The following RARB variants were observed in gnomAD, a reference collection of about 807,000 sequenced individuals.
The protein encoded by RARB is retinoic acid receptor beta.
RARB carries 17 observed loss-of-function variants against 51.9 expected under a neutral mutation model. That is an observed-to-expected ratio of 0.33 (90% CI 0.22 to 0.49). The LOEUF is 0.49. Ranked by LOEUF, RARB falls within the 20% of genes least tolerant of loss-of-function variation. The pLI is 0.99. For missense variants in RARB, 369 were observed against 550.8 expected, an observed-to-expected ratio of 0.67 and a Z score of 3.30; for synonymous variants, 215 against 195.4, an observed-to-expected ratio of 1.10 and a Z score of -0.84.
Position 25,501,287 on chromosome 3 carries a change from C to T in RARB, c.412C>T (p.Leu138Phe), listed in dbSNP as rs1345039132. ...CAGGAATCGATGCCAATACTGTCGA[C>T]TCCAGAAGTGCTTTGAAGTGGGAAT... ...VTRNRCQYCRLQKCFEVGMSK... is the reference protein window; with the variant it reads ...VTRNRCQYCRFQKCFEVGMSK... Residue 138 changes from leucine to phenylalanine, a missense_variant, in exon 3 of 8, where the codon CTC becomes TTC. Transcript: ENST00000330688. 1.2e-6 allele frequency: 2 copies of T among 1,610,214 alleles called. No individual in the cohort carries two copies. Among genetic ancestry groups the T allele is most frequent in the African/African-American group, 1.3e-5 (1 of 74,644 alleles).
intron 3 of RARB, among the ~76,000 whole-genome samples, chr3:25,508,640 A>G (rs1697730324): frequency 6.6e-6 from 1 of 152,094 alleles, no homozygotes; most frequent in Non-Finnish European, 1.5e-5. Flanking sequence ...CCCGTGTTAG[A>G]TCCCAGCCTG....
At chr3:25,032,281 C>T (rs928679192) in intron 2 of RARB, among the ~76,000 whole-genome samples, 7 of 152,182 alleles carry the variant, frequency 4.6e-5, no homozygotes, top group African/African-American at 1.7e-4. Context: ...TGGAACCTGC[C>T]TTTCCCCACC....
intron 5 of RARB, among the ~76,000 whole-genome samples, chr3:25,189,164 TC>T (rs761340719): frequency 6.6e-6 from 1 of 152,230 alleles, no homozygotes; most frequent in Non-Finnish European, 1.5e-5. Context: ...TTTAATATCA[TC>T]CCTCAATGTA....
chr3:25,380,188 C>A (rs753961228), intron 5 of RARB, among the ~76,000 whole-genome samples: 4 of 152,138 alleles, frequency 2.6e-5, no homozygotes, highest in Non-Finnish European at 5.9e-5. Flanking sequence ...GCCTCCTGTG[C>A]CCCGTTTAAT....
At chr3:25,330,538 C>T (rs576407369) in intron 5 of RARB, among the ~76,000 whole-genome samples, 174 of 152,200 alleles carry the variant, frequency 1.1e-3, no homozygotes, top group Non-Finnish European at 2.0e-3. Flanking sequence ...AAGGAACAAC[C>T]AGTACCAGCC....
At chr3:25,540,251 G>A (rs190332047) in intron 3 of RARB, among the ~76,000 whole-genome samples, 4 of 152,228 alleles carry the variant, frequency 2.6e-5, no homozygotes, top group Admixed American at 6.5e-5. Flanking sequence ...TATCTGCTTC[G>A]TGATTTTAAT....
At chr3:25,165,509 C>T (rs970840307) in intron 4 of RARB, among the ~76,000 whole-genome samples, 2 of 152,140 alleles carry the variant, frequency 1.3e-5, no homozygotes, top group African/African-American at 4.8e-5. Flanking sequence ...CCTGTAGATC[C>T]TGTAGATAGC....
At chr3:25,178,181 A>C (rs1352381274) in intron 5 of RARB, among the ~76,000 whole-genome samples, 1 of 152,076 alleles carries the variant, frequency 6.6e-6, no homozygotes, top group Non-Finnish European at 1.5e-5. Flanking sequence ...AAAGAAGAAA[A>C]GTTATTTGCA....
chr3:25,303,889 T>G (rs1704096592), intron 5 of RARB, among the ~76,000 whole-genome samples: 1 of 152,140 alleles, frequency 6.6e-6, no homozygotes, highest in South Asian at 2.1e-4. Context: ...CAACTGTGGG[T>G]GGCCCACAGG....
intron 2 of RARB, among the ~76,000 whole-genome samples, chr3:25,467,394 C>T (rs1695484311): frequency 6.6e-6 from 1 of 152,240 alleles, no homozygotes; most frequent in Non-Finnish European, 1.5e-5. Flanking sequence ...TGTCTGGGGC[C>T]TTGGCAGGAT....
intron 5 of RARB, among the ~76,000 whole-genome samples, chr3:25,592,833 T>C (rs1470887732): frequency 6.6e-6 from 1 of 152,212 alleles, no homozygotes; most frequent in Non-Finnish European, 1.5e-5. Context: ...AGCTTTCCTT[T>C]TTCTGAACTC....
intron 3 of RARB, among the ~76,000 whole-genome samples, chr3:25,129,546 C>T (rs1279350815): frequency 1.3e-5 from 2 of 151,924 alleles, no homozygotes; most frequent in African/African-American, 2.4e-5. Flanking sequence ...CACTTTAACC[C>T]TTCAATATGT....
intron 5 of RARB, among the ~76,000 whole-genome samples, chr3:25,305,511 G>A (rs1704133788): frequency 2.0e-5 from 3 of 152,200 alleles, no homozygotes; most frequent in Admixed American, 2.0e-4. Flanking sequence ...TGTACCACAA[G>A]CAACAGGCTG....
At chr3:24,878,772 C>T (rs150093909) in intron 2 of RARB, among the ~76,000 whole-genome samples, 66 of 152,196 alleles carry the variant, frequency 4.3e-4, no homozygotes, top group African/African-American at 1.4e-3. Context: ...TCTGCAGATA[C>T]CATTTGTAGA....
chr3:25,456,554 A>ATTTTTTT lies in RARB; in HGVS notation c.158-4620_158-4614dup, dbSNP rs35056259. On this transcript the variant is annotated intron_variant, in intron 1 of 7. Transcript: ENST00000330688. Reference sequence around the variant, plus strand: ...GGTGATCTGACAGACTATACCACTGATTTTTTTTTTTTTTTTTTTTTTTTT... The same window carrying ATTTTTTT: ...GGTGATCTGACAGACTATACCACTGATTTTTTTTTTTTTTTTTTTTTTTTTTTTTTTT... 1.5e-3 allele frequency among the ~76,000 whole-genome samples: 67 copies of ATTTTTTT among 44,122 alleles called. 12 individuals are homozygous for ATTTTTTT. The highest frequency in any genetic ancestry group is 6.0e-3 in the African/African-American group (61 of 10,134). 28.9% of individuals were successfully genotyped at this position (44,122 alleles called of 152,430 possible).
At chr3:25,083,063 G>A (rs1183056882) in intron 3 of RARB, among the ~76,000 whole-genome samples, 1 of 151,644 alleles carries the variant, frequency 6.6e-6, no homozygotes, top group Non-Finnish European at 1.5e-5. Flanking sequence ...TATGTAATGT[G>A]TTTTTTTCCT....
At chr3:25,285,251 A>C (rs957133584) in intron 5 of RARB, among the ~76,000 whole-genome samples, 1 of 152,340 alleles carries the variant, frequency 6.6e-6, no homozygotes, top group East Asian at 1.9e-4. Context: ...CCACTGAGAA[A>C]GTGATATGAT....
At chr3:25,102,083 G>A (rs1237306974) in intron 3 of RARB, among the ~76,000 whole-genome samples, 2 of 152,112 alleles carry the variant, frequency 1.3e-5, no homozygotes, top group African/African-American at 4.8e-5. Context: ...TGAAAGATAT[G>A]TACAGGTGCC....
At chr3:24,908,266 T>G (rs1694910493) in intron 2 of RARB, among the ~76,000 whole-genome samples, 1 of 152,212 alleles carries the variant, frequency 6.6e-6, no homozygotes, top group Non-Finnish European at 1.5e-5. Flanking sequence ...TAAGTTTCTT[T>G]AAAAATTTGC....
Sources: gnomAD v4.1 joint callset for allele counts (sites outside exome capture counted in the v4.1 genomes callset) on GRCh38, gnomAD v4.1.1 for gene constraint, MANE v1.5 for transcripts, NCBI Gene and HGNC (gene_info 2026-07-23, HGNC 2026-07-21) for gene names.